The following EPM2A variants were observed in gnomAD, a reference collection of about 807,000 sequenced individuals.
EPM2A encodes EPM2A glucan phosphatase, laforin, also known as laforin.
A neutral mutation model predicts 26.5 loss-of-function variants in EPM2A; 21 were observed. The ratio of observed to expected loss-of-function variants is 0.79; its 90% CI spans 0.56 to 1.14. EPM2A has a LOEUF of 1.14. Ranked by LOEUF, EPM2A falls within the 50% of genes most tolerant of loss-of-function variation. EPM2A has a pLI of 0.00. For synonymous variants in EPM2A, 217 were observed against 177.6 expected, an observed-to-expected ratio of 1.22 and a Z score of -1.76; for missense variants, 458 against 440.8, an observed-to-expected ratio of 1.04 and a Z score of -0.35.
chr6:145,412,658 T>C (rs1316585440), intron 4 of EPM2A, among the ~76,000 whole-genome samples: 2 of 152,208 alleles, frequency 1.3e-5, no homozygotes, highest in African/African-American at 2.4e-5. Context: ...ATTTAGAATA[T>C]ATTTACTGAG....
chr6:145,429,314 A>G (rs1307232334), intron 4 of EPM2A, among the ~76,000 whole-genome samples: 1 of 152,104 alleles, frequency 6.6e-6, no homozygotes, highest in Non-Finnish European at 1.5e-5. Flanking sequence ...ATATCTATCA[A>G]TTAATTCATT....
At chr6:145,482,865 C>CT (rs10668205) in intron 4 of EPM2A, among the ~76,000 whole-genome samples, 51,423 of 147,382 alleles carry the variant, frequency 0.35, 9,487 homozygotes, top group South Asian at 0.49. Flanking sequence ...TATAGCTATT[C>CT]TTTTTTTTTT....
intron 3 of EPM2A, chr6:145,630,830 T>C (rs1776193155): frequency 6.6e-6 from 1 of 152,194 alleles, no homozygotes; most frequent in African/African-American, 2.4e-5. Context: ...TTAACAACTA[T>C]GAGGTCAGCA....
chr6:145,425,159 T>TTCC (rs1431824349), intron 4 of EPM2A, among the ~76,000 whole-genome samples: 29 of 128,162 alleles, frequency 2.3e-4, no homozygotes, highest in Non-Finnish European at 3.0e-4. Context: ...CCTTCCTTCC[T>TTCC]TTCCTTCCGT....
chr6:145,572,509 A>G (rs1247098147), intron 2 of EPM2A, among the ~76,000 whole-genome samples: 1 of 152,168 alleles, frequency 6.6e-6, no homozygotes, highest in African/African-American at 2.4e-5. Context: ...CACTCAGTTC[A>G]TGATAGGCTG....
chr6:145,394,677 G>C (rs762363115), intron 4 of EPM2A, among the ~76,000 whole-genome samples: 2 of 152,118 alleles, frequency 1.3e-5, no homozygotes, highest in Non-Finnish European at 2.9e-5. Flanking sequence ...TGTTGTGCCA[G>C]ACCCACACAC....
chr6:145,423,602 G>A (rs920058696), intron 4 of EPM2A, among the ~76,000 whole-genome samples: 2 of 152,180 alleles, frequency 1.3e-5, no homozygotes, highest in South Asian at 2.1e-4. Flanking sequence ...CTTCCAGGGA[G>A]TAAAGAAGGA....
intron 4 of EPM2A, among the ~76,000 whole-genome samples, chr6:145,393,612 C>T (rs374058605): frequency 9.9e-5 from 15 of 152,080 alleles, no homozygotes; most frequent in South Asian, 4.2e-4. Flanking sequence ...AATAATCAAA[C>T]GGTCTGAACT....
At chr6:145,591,957 T>G (rs13202312) in intron 2 of EPM2A, among the ~76,000 whole-genome samples, 54,868 of 151,762 alleles carry the variant, frequency 0.36, 10,372 homozygotes, top group South Asian at 0.51. Flanking sequence ...CACCTGAGAC[T>G]GTATAATGTT....
At chr6:145,721,593 C>G (rs956057303) in intron 1 of EPM2A, 2 of 152,192 alleles carry the variant, frequency 1.3e-5, no homozygotes, top group Non-Finnish European at 2.9e-5. Flanking sequence ...TAAGACAGCT[C>G]TTATCTCATT....
intron 2 of EPM2A, among the ~76,000 whole-genome samples, chr6:145,555,656 C>T (rs1398081568): frequency 1.3e-5 from 2 of 152,086 alleles, no homozygotes; most frequent in African/African-American, 2.4e-5. Flanking sequence ...TACACACACA[C>T]GCATATGCAC....
chr6:145,388,601 G>A (rs1372174607), intron 4 of EPM2A, among the ~76,000 whole-genome samples: 1 of 152,042 alleles, frequency 6.6e-6, no homozygotes, highest in African/African-American at 2.4e-5. Flanking sequence ...TGCCATGGTG[G>A]TTTGCTCCAC....
intron 2 of EPM2A, among the ~76,000 whole-genome samples, chr6:145,588,077 C>T (rs1262608649): frequency 6.6e-6 from 1 of 152,102 alleles, no homozygotes; most frequent in Non-Finnish European, 1.5e-5. Context: ...CACCAAAAAC[C>T]TCAGAGTATA....
At chr6:145,629,486 C>T (rs554394117) in intron 3 of EPM2A, 4 of 152,352 alleles carry the variant, frequency 2.6e-5, no homozygotes, top group African/African-American at 9.6e-5. Context: ...CAAGATGTCT[C>T]AGCATGTCTC....
intron 2 of EPM2A, among the ~76,000 whole-genome samples, chr6:145,551,928 G>A (rs1309216528): frequency 1.3e-5 from 2 of 151,368 alleles, no homozygotes; most frequent in South Asian, 2.1e-4. Flanking sequence ...AGAATTTCTA[G>A]ATTCGATATA....
intron 2 of EPM2A, among the ~76,000 whole-genome samples, chr6:145,537,152 A>T (rs904543832): frequency 1.3e-5 from 2 of 152,208 alleles, no homozygotes; most frequent in African/African-American, 4.8e-5. Context: ...GTTACTAGAG[A>T]TAGCAGTTTA....
chr6:145,679,487 T>G (rs892782606), intron 2 of EPM2A, among the ~76,000 whole-genome samples: 2 of 150,334 alleles, frequency 1.3e-5, no homozygotes, highest in African/African-American at 4.9e-5. Context: ...ACAAGAAAAT[T>G]GAAAACTCAG....
chr6:145,718,894 A>G (rs891260180), intron 1 of EPM2A, among the ~76,000 whole-genome samples: 3 of 152,248 alleles, frequency 2.0e-5, no homozygotes, highest in Non-Finnish European at 2.9e-5. Context: ...ACTGGCCATC[A>G]GAGAAATGCA....
Position 145,625,557 on chromosome 6 carries a change from T to C in EPM2A, c.*1859A>G, listed in dbSNP as rs1326916555. On this transcript the variant is annotated 3_prime_UTR_variant, in exon 4 of 4. Transcript: ENST00000367519. ...GACCCACATAGTTTAAAAATTTAAT[T>C]TTTAAGATTAAATTTTCACAACACA... 4.8e-6 allele frequency: 3 copies of C among 628,034 alleles called. No individual in the cohort carries two copies. Among genetic ancestry groups the C allele is most frequent in the Non-Finnish European group, 5.8e-6 (2 of 345,092 alleles). The allele number at this position is 628,034 out of a possible 1,614,324, so 38.9% of individuals were successfully genotyped here.
Sources: allele counts gnomAD v4.1 joint callset (sites outside exome capture counted in the v4.1 genomes callset), GRCh38; gene constraint gnomAD v4.1.1; transcripts MANE v1.5; gene names NCBI Gene and HGNC (gene_info 2026-07-23, HGNC 2026-07-21).